The following PMS1 variants were observed in gnomAD, a reference collection of about 807,000 sequenced individuals.
The protein encoded by PMS1 is PMS1 homolog 1, mismatch repair system component.
Under a neutral mutation model 93.1 loss-of-function variants are expected in PMS1, and 79 were observed. That is an observed-to-expected ratio of 0.85 (90% CI 0.71 to 1.02). PMS1 has a LOEUF of 1.02. Ranked by LOEUF, PMS1 falls within the 50% of genes least tolerant of loss-of-function variation. The pLI is 0.00. For synonymous variants in PMS1, 335 were observed against 363.4 expected, an observed-to-expected ratio of 0.92 and a Z score of 0.89; for missense variants, 1,064 against 1,085.3, an observed-to-expected ratio of 0.98 and a Z score of 0.28.
At chr2:189,831,878 T>A (rs1167398696) in intron 5 of PMS1, among the ~76,000 whole-genome samples, 1 of 151,988 alleles carries the variant, frequency 6.6e-6, no homozygotes, top group Non-Finnish European at 1.5e-5. Flanking sequence ...GCCTCCCAGG[T>A]TCAAGCAATT....
chr2:189,815,400 G>A (rs556791383), intron 4 of PMS1, among the ~76,000 whole-genome samples: 7 of 152,144 alleles, frequency 4.6e-5, no homozygotes, highest in Non-Finnish European at 8.8e-5. Flanking sequence ...GGAGGGACCC[G>A]TAATCCCTAT....
chr2:189,827,822 A>G (rs1433915371), intron 5 of PMS1, among the ~76,000 whole-genome samples: 1 of 152,172 alleles, frequency 6.6e-6, no homozygotes. Context: ...AGAGCAGAAT[A>G]GTTGTTACCA....
intron 4 of PMS1, chr2:189,806,420 C>T (rs2050350406): frequency 3.1e-6 from 1 of 319,620 alleles, no homozygotes. Flanking sequence ...TTTCCTGAGA[C>T]AGGGTCTCAC....
intron 1 of PMS1, among the ~76,000 whole-genome samples, chr2:189,786,671 AGTT>A (rs1460384463): frequency 5.3e-5 from 8 of 152,220 alleles, no homozygotes; most frequent in Non-Finnish European, 1.0e-4. Flanking sequence ...GAATACGTAG[AGTT>A]GTTGTGAGGA....
At chr2:189,812,322 CAA>C (rs1277818038) in intron 4 of PMS1, among the ~76,000 whole-genome samples, 8 of 152,006 alleles carry the variant, frequency 5.3e-5, no homozygotes, top group Non-Finnish European at 1.2e-4. Context: ...AAAAGACAAA[CAA>C]AATTTGATTT....
At chr2:189,830,598 T>G (rs1188823751) in intron 5 of PMS1, among the ~76,000 whole-genome samples, 1 of 152,226 alleles carries the variant, frequency 6.6e-6, no homozygotes, top group Non-Finnish European at 1.5e-5. Flanking sequence ...AGAATATAAT[T>G]TCCTTGAAGG....
chr2:189,796,084 C>T (rs5742982), intron 3 of PMS1, 133 bp downstream of exon 3: 46 of 738,760 alleles, frequency 6.2e-5, no homozygotes, highest in African/African-American at 5.3e-4. Flanking sequence ...ATAAGCCGGG[C>T]GAGGTGGCTC....
chr2:189,833,454 C>T (rs896902537), intron 5 of PMS1, among the ~76,000 whole-genome samples: 28 of 152,130 alleles, frequency 1.8e-4, no homozygotes, highest in African/African-American at 4.6e-4. Context: ...TGGTGGCACG[C>T]GCCTGTAGTC....
chr2:189,849,321 A>G (rs755106576), intron 6 of PMS1, among the ~76,000 whole-genome samples: 2 of 152,000 alleles, frequency 1.3e-5, no homozygotes, highest in African/African-American at 2.4e-5. Flanking sequence ...ATTCCTCATC[A>G]TTGCCTGATT....
intron 9 of PMS1, among the ~76,000 whole-genome samples, chr2:189,863,293 G>A (rs140300811): frequency 0.037 from 5,408 of 146,204 alleles, 140 homozygotes; most frequent in Admixed American, 0.06. Flanking sequence ...TTGCTCTGTC[G>A]CCCAGGCTGG....
chr2:189,818,661 T>C (rs2051538813), intron 5 of PMS1, among the ~76,000 whole-genome samples: 1 of 151,930 alleles, frequency 6.6e-6, no homozygotes, highest in African/African-American at 2.4e-5. Context: ...CTTTATTACA[T>C]AAAGAGTGTC....
intron 3 of PMS1, among the ~76,000 whole-genome samples, chr2:189,798,076 A>G (rs1323589594): frequency 6.6e-6 from 1 of 152,238 alleles, no homozygotes; most frequent in Admixed American, 6.5e-5. Context: ...ATTATCTGGC[A>G]ACATAGTACA....
chr2:189,861,269 A>G (rs183644594), intron 9 of PMS1, among the ~76,000 whole-genome samples: 5 of 152,074 alleles, frequency 3.3e-5, no homozygotes, highest in Admixed American at 6.6e-5. Flanking sequence ...ATCTACTTGG[A>G]GTTAATGTAA....
intron 9 of PMS1, among the ~76,000 whole-genome samples, chr2:189,858,399 G>A (rs944407679): frequency 3.9e-5 from 6 of 152,058 alleles, no homozygotes; most frequent in African/African-American, 7.2e-5. Context: ...ATGTTTAGTC[G>A]CAAGAACATT....
chr2:189,818,039 ATTATT>A lies in PMS1; in HGVS notation c.443_447del (p.Leu148Ter). 1 of 1,610,572 alleles carries A rather than the reference ATTATT, an allele frequency of 6.2e-7. No individual in the cohort carries two copies. The highest frequency in any genetic ancestry group is 1.3e-5 in the African/African-American group (1 of 74,982). On this transcript the variant is annotated frameshift_variant, in exon 5 of 13. Coordinates refer to ENST00000441310, the MANE Select transcript of PMS1 (RefSeq NM_000534.5). LOFTEE classifies it high-confidence loss of function. ...CAGGTACAACTGTAACTGCTTTAAG[ATTATT>A]TAAGAATCTACCTGTAAGAAAGCAG... is the stretch of plus-strand genomic sequence containing the variant.
Position 189,854,909 on chromosome 2 carries a change from G to GT in PMS1, c.1638dup (p.Asn547Ter). ...CAAATGAATCTTAATGAAGATTCAT[G>GT]TAACAAAAAATCAAATGTAATAGAT... On this transcript the variant is annotated frameshift_variant, in exon 9 of 13. Transcript: ENST00000441310. LOFTEE classifies it high-confidence loss of function. The GT allele has an allele frequency of 2.5e-6, 4 of 1,598,914 alleles. No homozygotes were observed. Among genetic ancestry groups the GT allele is most frequent in the Non-Finnish European group, 3.4e-6 (4 of 1,167,442 alleles).
intron 3 of PMS1, 136 bp from the exon 4 acceptor site, chr2:189,805,515 AG>A: frequency 1.3e-6 from 1 of 756,982 alleles, no homozygotes; most frequent in South Asian, 1.6e-5. Context: ...ATATTACAAA[AG>A]AACTGGTCAC....
chr2:189,814,692 G>C (rs1441572808), intron 4 of PMS1, among the ~76,000 whole-genome samples: 2 of 152,086 alleles, frequency 1.3e-5, no homozygotes, highest in African/African-American at 4.8e-5. Flanking sequence ...TAAGAGGCGA[G>C]GCAGACAAAA....
At chr2:189,808,223 T>C (rs781734666) in intron 4 of PMS1, among the ~76,000 whole-genome samples, 8 of 152,320 alleles carry the variant, frequency 5.3e-5, no homozygotes, top group Non-Finnish European at 1.2e-4. Context: ...TCATCTGATA[T>C]AATGATACCT....
Sources: allele counts gnomAD v4.1 joint callset (sites outside exome capture counted in the v4.1 genomes callset), GRCh38; gene constraint gnomAD v4.1.1; transcripts MANE v1.5; gene names NCBI Gene and HGNC (gene_info 2026-07-23, HGNC 2026-07-21).